Variants in CD96 observed in about 807,000 individuals in gnomAD.
CD96 encodes the protein T-cell surface protein tactile.
Under a neutral mutation model 71.3 loss-of-function variants are expected in CD96, and 70 were observed. That is an observed-to-expected ratio of 0.98 (90% CI 0.81 to 1.20). The LOEUF (loss-of-function observed/expected upper bound fraction) is 1.20. CD96 is among the 50% of genes most tolerant of loss of function. The probability of loss-of-function intolerance (pLI) is 0.00; values close to 1 mark genes in which losing one functional copy is unlikely to be tolerated. For missense variants in CD96, 742 were observed against 677.5 expected, an observed-to-expected ratio of 1.10 and a Z score of -1.06; for synonymous variants, 248 against 233.0, an observed-to-expected ratio of 1.06 and a Z score of -0.59.
chr3:111,575,629 A>C (rs1936187898), intron 3 of CD96, among the ~76,000 whole-genome samples: 1 of 152,228 alleles, frequency 6.6e-6, no homozygotes, highest in South Asian at 2.1e-4. Flanking sequence ...GAAACTAAGA[A>C]ATTTATAAAC....
At chr3:111,548,060 A>C (rs1934504763) in intron 2 of CD96, among the ~76,000 whole-genome samples, 1 of 152,144 alleles carries the variant, frequency 6.6e-6, no homozygotes, top group Non-Finnish European at 1.5e-5. Context: ...TTTTCTTCTT[A>C]TGCCCCTGTG....
chr3:111,580,861 C>A (rs1274726650), intron 4 of CD96, among the ~76,000 whole-genome samples: 1 of 152,168 alleles, frequency 6.6e-6, no homozygotes, highest in Admixed American at 6.5e-5. Context: ...TGTCTTAGTG[C>A]AAACATGAAA....
chr3:111,577,422 C>G (rs913292948), intron 3 of CD96: 22 of 963,916 alleles, frequency 2.3e-5, no homozygotes, highest in Non-Finnish European at 3.2e-5. Flanking sequence ...CTGTCCCCAC[C>G]CAATACTTAG....
In CD96 at chr3:111,614,417, G is replaced by A. The variant is rs572999940; in HGVS notation, c.1180+7625G>A. On this transcript the variant is annotated intron_variant, in intron 8 of 13. Transcript: ENST00000352690. ...CTGACTTAGGTGTCCTCTGGATGAG[G>A]AGAATAAAAATTGCCATATTGACTT... Among the ~76,000 whole-genome samples, 3 of 152,270 alleles carry A rather than the reference G, an allele frequency of 2.0e-5. No individual in the cohort carries two copies. In the East Asian group the frequency reaches 5.8e-4, roughly 29 times the overall value.
intron 5 of CD96, among the ~76,000 whole-genome samples, chr3:111,586,666 C>A (rs1936729121): frequency 6.6e-6 from 1 of 152,042 alleles, no homozygotes; most frequent in Non-Finnish European, 1.5e-5. Context: ...TGGCAGAGGG[C>A]AAAAAGACAA....
chr3:111,648,328 C>T (rs573886245), intron 13 of CD96, among the ~76,000 whole-genome samples: 28 of 152,332 alleles, frequency 1.8e-4, no homozygotes, highest in Non-Finnish European at 3.5e-4. Flanking sequence ...TGATCTTCCA[C>T]TTGTCTTACT....
intron 7 of CD96, among the ~76,000 whole-genome samples, chr3:111,603,476 T>C (rs748606820): frequency 6.6e-6 from 1 of 151,904 alleles, no homozygotes; most frequent in Non-Finnish European, 1.5e-5. Flanking sequence ...CCTGCTAGCA[T>C]GTCAAAATGT....
chr3:111,634,966 A>G (rs1175618323), intron 10 of CD96: 1 of 153,110 alleles, frequency 6.5e-6, no homozygotes, highest in African/African-American at 2.4e-5. Flanking sequence ...AAGGGCATAC[A>G]AATTAGCCAA....
chr3:111,619,321 G>A (rs1485479965), intron 8 of CD96, among the ~76,000 whole-genome samples: 1 of 152,174 alleles, frequency 6.6e-6, no homozygotes, highest in East Asian at 1.9e-4. Flanking sequence ...GAGCCAGGAA[G>A]GCTTCAAACC....
rs1485970993 is a variant in CD96 at position 111,651,684 on chromosome 3, C to T, written c.*1878C>T. ...GATCACGAGGTCAGGAGATCGAGAC[C>T]ATCCTGGCTAACACAGTGAAACCCC... is the stretch of plus-strand genomic sequence containing the variant. On this transcript the variant is annotated 3_prime_UTR_variant, in exon 14 of 14. Coordinates refer to ENST00000352690, the MANE Select transcript of CD96 (RefSeq NM_005816.5). The T allele has an allele frequency of 6.6e-6, 1 of 151,964 alleles. No individual in the cohort carries two copies. Among genetic ancestry groups the T allele is most frequent in the Non-Finnish European group, 1.5e-5 (1 of 68,018 alleles). 9.4% of individuals were successfully genotyped at this position (151,964 alleles called of 1,614,324 possible). A position where few individuals can be genotyped will look rare whatever the true frequency, so the allele number is the denominator to read the frequency against.
intron 5 of CD96, among the ~76,000 whole-genome samples, chr3:111,591,776 T>C (rs1337619972): frequency 3.9e-5 from 6 of 152,138 alleles, no homozygotes; most frequent in Non-Finnish European, 8.8e-5. Context: ...GATCTCTAGA[T>C]AAAAAAAGAA....
intron 10 of CD96, among the ~76,000 whole-genome samples, chr3:111,630,001 A>C (rs1938977308): frequency 6.6e-6 from 1 of 152,230 alleles, no homozygotes; most frequent in South Asian, 2.1e-4. Context: ...TCTCTGGGAC[A>C]CAGCTAAAGC....
chr3:111,625,948 C>T (rs1033313469), intron 10 of CD96, among the ~76,000 whole-genome samples: 2 of 152,006 alleles, frequency 1.3e-5, no homozygotes, highest in African/African-American at 4.8e-5. Flanking sequence ...ACAAATATGA[C>T]AAAATAAACA....
At chr3:111,612,199 AT>A (rs1472440852) in intron 8 of CD96, among the ~76,000 whole-genome samples, 2 of 152,234 alleles carry the variant, frequency 1.3e-5, no homozygotes, top group Admixed American at 1.3e-4. Flanking sequence ...AAAAGACTAA[AT>A]GATATAGATT....
In CD96 at chr3:111,557,172, G is replaced by C. The variant is rs1935107465; in HGVS notation, c.419-10351G>C. 1.8e-5 allele frequency among the ~76,000 whole-genome samples: 2 copies of C among 112,264 alleles called. 1 individual carries two copies. Among genetic ancestry groups the C allele is most frequent in the Non-Finnish European group, 3.5e-5 (2 of 57,724 alleles). 73.6% of individuals were successfully genotyped at this position (112,264 alleles called of 152,430 possible). On this transcript the variant is annotated intron_variant, in intron 2 of 13. Coordinates refer to ENST00000352690, the MANE Select transcript of CD96 (RefSeq NM_005816.5). ...TTGTAGGTTGCCTGTTCACTCTGAT[G>C]GTAGTTTCTTTTGCTGTGCAGAAGC...
At chr3:111,594,110 G>C (rs1402922459) in intron 5 of CD96, 5 of 1,614,168 alleles carry the variant, frequency 3.1e-6, no homozygotes, top group South Asian at 2.2e-5. Context: ...CAGTTCTCCT[G>C]TCTCACTAAT....
intron 2 of CD96, among the ~76,000 whole-genome samples, chr3:111,555,413 A>C (rs747563210): frequency 2.6e-5 from 4 of 152,302 alleles, no homozygotes; most frequent in Non-Finnish European, 4.4e-5. Flanking sequence ...AGACAAATCT[A>C]CTTGCAATGA....
intron 2 of CD96, among the ~76,000 whole-genome samples, chr3:111,561,448 G>A (rs1935396060): frequency 7.1e-6 from 1 of 139,914 alleles, no homozygotes; most frequent in East Asian, 2.1e-4. Flanking sequence ...TCAGCTGCAG[G>A]TCTGTTGGAA....
intron 12 of CD96, among the ~76,000 whole-genome samples, chr3:111,639,194 A>AC (rs1242489684): frequency 6.6e-6 from 1 of 152,066 alleles, no homozygotes; most frequent in African/African-American, 2.4e-5. Context: ...CCCAGGAGAC[A>AC]CCCCAAATAC....
Sources: gnomAD v4.1 joint callset for allele counts (sites outside exome capture counted in the v4.1 genomes callset) on GRCh38, gnomAD v4.1.1 for gene constraint, MANE v1.5 for transcripts, NCBI Gene and HGNC (gene_info 2026-07-23, HGNC 2026-07-21) for gene names.